Variants in CFAP299 observed in about 807,000 individuals in gnomAD.
CFAP299 encodes cilia and flagella associated protein 299, also known as cilia- and flagella-associated protein 299.
Under a neutral mutation model 27.0 loss-of-function variants are expected in CFAP299, and 21 were observed. The observed-to-expected ratio is 0.78, with a 90% CI of 0.55 to 1.12. The LOEUF is 1.12. CFAP299 is among the 50% of genes most tolerant of loss of function. The pLI is 0.00. For synonymous variants in CFAP299, 104 were observed against 98.1 expected, an observed-to-expected ratio of 1.06 and a Z score of -0.36; for missense variants, 310 against 276.6, an observed-to-expected ratio of 1.12 and a Z score of -0.86.
chr4:80,820,973 G>T (rs1306461751), intron 3 of CFAP299, among the ~76,000 whole-genome samples: 2 of 152,142 alleles, frequency 1.3e-5, no homozygotes, highest in Non-Finnish European at 2.9e-5. Context: ...CAATAATCCT[G>T]AACCACTGTT....
intron 5 of CFAP299, among the ~76,000 whole-genome samples, chr4:80,950,913 A>G (rs965733001): frequency 5.3e-5 from 8 of 152,202 alleles, no homozygotes; most frequent in Non-Finnish European, 2.9e-5. Flanking sequence ...AGTGGAAGCC[A>G]AATCTAATTA....
intron 4 of CFAP299, among the ~76,000 whole-genome samples, chr4:80,875,596 G>A (rs920084822): frequency 3.3e-5 from 5 of 151,614 alleles, no homozygotes; most frequent in Admixed American, 6.6e-5. Flanking sequence ...CCTGGGAGGC[G>A]GAGGTTGCGG....
At chr4:80,457,800 A>G (rs1237490957) in intron 2 of CFAP299, among the ~76,000 whole-genome samples, 3 of 152,032 alleles carry the variant, frequency 2.0e-5, no homozygotes, top group Non-Finnish European at 4.4e-5. Context: ...CAAGGATATA[A>G]TTTTTCTAGG....
chr4:80,888,658 G>T (rs1269408778), intron 4 of CFAP299, among the ~76,000 whole-genome samples: 1 of 152,004 alleles, frequency 6.6e-6, no homozygotes, highest in Non-Finnish European at 1.5e-5. Flanking sequence ...TTCAATGGCT[G>T]AAGAATACAC....
intron 2 of CFAP299, among the ~76,000 whole-genome samples, chr4:80,484,959 A>G (rs1278600256): frequency 6.6e-6 from 1 of 152,174 alleles, no homozygotes; most frequent in African/African-American, 2.4e-5. Context: ...GCATTAGCAA[A>G]TTGCATTTTG....
At chr4:80,685,441 T>C (rs557162053) in intron 3 of CFAP299, among the ~76,000 whole-genome samples, 11 of 152,208 alleles carry the variant, frequency 7.2e-5, no homozygotes, top group African/African-American at 2.2e-4. Flanking sequence ...ATTCATTATG[T>C]CATACCACAC....
intron 2 of CFAP299, among the ~76,000 whole-genome samples, chr4:80,437,578 T>A (rs892430426): frequency 3.3e-5 from 5 of 152,108 alleles, no homozygotes; most frequent in African/African-American, 1.2e-4. Flanking sequence ...AAAATTTTAA[T>A]AAAGGGCAGT....
At chr4:80,531,256 GAAAT>G (rs1733448554) in intron 2 of CFAP299, among the ~76,000 whole-genome samples, 1 of 152,012 alleles carries the variant, frequency 6.6e-6, no homozygotes, top group Non-Finnish European at 1.5e-5. Context: ...GCTAGTAAAA[GAAAT>G]AAATCAGGCA....
At chr4:80,800,108 TATATATAAGATATTAATATAA>T (rs1728332424) in intron 3 of CFAP299, among the ~76,000 whole-genome samples, 1 of 62,032 alleles carries the variant, frequency 1.6e-5, no homozygotes, top group African/African-American at 6.3e-5. Flanking sequence ...TATAATATAT[TATATATAAGATATTAATATAA>T]ATATATTATA....
At position 80,736,997 on chromosome 4, in the gene CFAP299, G is replaced by A. The variant is rs546873988; in HGVS notation, c.334-132996G>A. On this transcript the variant is annotated intron_variant, in intron 3 of 5. Transcript: ENST00000358105. ...ACTACGCAGCCATAAAAAATGATGA[G>A]TTCATGTCCTTTGTAGGGACATGGA... Among the ~76,000 whole-genome samples the A allele has an allele frequency of 2.0e-5, 3 of 152,252 alleles. 1 individual carries two copies. In the South Asian group the frequency reaches 6.2e-4, roughly 32 times the overall value.
intron 3 of CFAP299, among the ~76,000 whole-genome samples, chr4:80,637,298 GATATA>G (rs1354740497): frequency 1.3e-5 from 2 of 152,154 alleles, no homozygotes; most frequent in East Asian, 1.9e-4. Flanking sequence ...AGGTATAATA[GATATA>G]ATATAATGTA....
chr4:80,753,673 G>T (rs1725065853), intron 3 of CFAP299, among the ~76,000 whole-genome samples: 1 of 151,970 alleles, frequency 6.6e-6, no homozygotes, highest in African/African-American at 2.4e-5. Context: ...ATGCTTTGTT[G>T]TTTATTTTTT....
intron 2 of CFAP299, among the ~76,000 whole-genome samples, chr4:80,524,267 T>TAGTC (rs1733061004): frequency 6.6e-6 from 1 of 152,060 alleles, no homozygotes; most frequent in South Asian, 2.1e-4. Flanking sequence ...TTTTCCTGGA[T>TAGTC]AGTCTAACCA....
chr4:80,497,104 A>G (rs1207444866), intron 2 of CFAP299, among the ~76,000 whole-genome samples: 3 of 152,108 alleles, frequency 2.0e-5, no homozygotes, highest in Admixed American at 1.3e-4. Context: ...TTGGGTAGGG[A>G]CACACATGCA....
At chr4:80,536,061 A>G (rs1220852277) in intron 2 of CFAP299, among the ~76,000 whole-genome samples, 1 of 152,218 alleles carries the variant, frequency 6.6e-6, no homozygotes, top group Non-Finnish European at 1.5e-5. Flanking sequence ...AGCTATCCAC[A>G]AATAGTTGAA....
At chr4:80,717,445 C>T (rs897397307) in intron 3 of CFAP299, among the ~76,000 whole-genome samples, 2 of 152,048 alleles carry the variant, frequency 1.3e-5, no homozygotes, top group African/African-American at 4.8e-5. Context: ...TTGTTATGAC[C>T]GCTGTTACTG....
chr4:80,747,504 A>G (rs1724690408), intron 3 of CFAP299, among the ~76,000 whole-genome samples: 1 of 152,058 alleles, frequency 6.6e-6, no homozygotes, highest in Non-Finnish European at 1.5e-5. Flanking sequence ...TCTGAAAACA[A>G]TTTTGACTTT....
chr4:80,495,790 G>A (rs1339102177), intron 2 of CFAP299, among the ~76,000 whole-genome samples: 7 of 152,228 alleles, frequency 4.6e-5, no homozygotes, highest in African/African-American at 7.2e-5. Flanking sequence ...CATCTGCTCA[G>A]CTTCTAAGGA....
intron 3 of CFAP299, among the ~76,000 whole-genome samples, chr4:80,718,750 G>A (rs896673232): frequency 7.2e-5 from 11 of 151,904 alleles, no homozygotes; most frequent in East Asian, 3.9e-4. Context: ...TAAAAAAATC[G>A]TTAACTCTCA....
Sources: gnomAD v4.1 joint callset for allele counts (sites outside exome capture counted in the v4.1 genomes callset) on GRCh38, gnomAD v4.1.1 for gene constraint, MANE v1.5 for transcripts, NCBI Gene and HGNC (gene_info 2026-07-23, HGNC 2026-07-21) for gene names.